The following SALL3 variants were observed in gnomAD, a reference collection of about 807,000 sequenced individuals.
The protein encoded by SALL3 is spalt like transcription factor 3, also known as sal-like protein 3.
In SALL3, 25 loss-of-function variants were observed where a neutral mutation model predicts 66.2. The observed-to-expected ratio is 0.38, with a 90% CI of 0.28 to 0.53. The LOEUF is 0.53. SALL3 is among the 20% of genes least tolerant of loss of function. The probability of loss-of-function intolerance (pLI) is 0.85; values close to 1 mark genes in which losing one functional copy is unlikely to be tolerated. For missense variants in SALL3, 2,194 were observed against 1,916.5 expected (o/e 1.14, Z -2.70); for synonymous variants, 1,152 against 899.1 (o/e 1.28, Z -5.03).
At chr18:78,989,511 G>GA (rs1268935911) in intron 1 of SALL3, among the ~76,000 whole-genome samples, 14 of 152,178 alleles carry the variant, frequency 9.2e-5, no homozygotes, top group Non-Finnish European at 1.6e-4. Flanking sequence ...AAACTCACTT[G>GA]AAATGATCCA....
At position 78,996,780 on chromosome 18, in the gene SALL3, G is replaced by A. The variant is rs746805582; in HGVS notation, c.3472-111G>A. ...AAAGTCCACCTGTGTTTTGTTGTCC[G>A]TAAGTCGCGCTTGGGAGCGGGGTGG... On this transcript the variant is annotated intron_variant, in intron 2 of 2. Coordinates refer to ENST00000537592, the MANE Select transcript of SALL3 (RefSeq NM_171999.4). 1.1e-4 allele frequency: 119 copies of A among 1,086,452 alleles called. 1 individual carries two copies. Among genetic ancestry groups the A allele is most frequent in the South Asian group, 5.8e-4 (35 of 60,132 alleles). The allele number at this position is 1,086,452 out of a possible 1,614,324, so 67.3% of individuals were successfully genotyped here. A position where few individuals can be genotyped will look rare whatever the true frequency, so the allele number is the denominator to read the frequency against.
Position 78,997,565 on chromosome 18 carries a change from AC to A in SALL3, c.*245del. On this transcript the variant is annotated 3_prime_UTR_variant, in exon 3 of 3. Coordinates refer to ENST00000537592, the MANE Select transcript of SALL3 (RefSeq NM_171999.4). ...CTTCAAAAAAAAAAGTGCTTGGAAA[AC>A]CGCCTTAGGAACAGAAAGAGCTCAG... 1 of 520,926 alleles carries A rather than the reference AC, an allele frequency of 1.9e-6. No homozygotes were observed. 32.3% of individuals were successfully genotyped at this position (520,926 alleles called of 1,614,324 possible).
chr18:78,987,301 G>A (rs917274361), intron 1 of SALL3, among the ~76,000 whole-genome samples: 1 of 152,172 alleles, frequency 6.6e-6, no homozygotes, highest in African/African-American at 2.4e-5. Context: ...GACAGTCTGA[G>A]GGGTTCCTTT....
intron 1 of SALL3, among the ~76,000 whole-genome samples, chr18:78,986,388 ACT>A: frequency 1.3e-5 from 2 of 151,588 alleles, no homozygotes; most frequent in Non-Finnish European, 2.9e-5. Context: ...GTGCGTACAC[ACT>A]CTGAGGTCTC....
At position 78,980,024 on chromosome 18, in the gene SALL3, G is replaced by C. The variant is rs1284688639; in HGVS notation, c.-251G>C. ...CCGCGGCCCCCTCCTCGTCGGCGCGGCCGCTAATTGCGAGCGCGGCCTCAT... is the reference window on the plus strand; with the variant it reads ...CCGCGGCCCCCTCCTCGTCGGCGCGCCCGCTAATTGCGAGCGCGGCCTCAT... On this transcript the variant is annotated 5_prime_UTR_variant, in exon 1 of 3. Coordinates refer to ENST00000537592, the MANE Select transcript of SALL3 (RefSeq NM_171999.4). 6.8e-6 allele frequency among the ~76,000 whole-genome samples: 1 copy of C among 145,992 alleles called. No individual in the cohort carries two copies. The highest frequency in any genetic ancestry group is 2.5e-5 in the African/African-American group (1 of 40,732).
At position 78,994,619 on chromosome 18, in the gene SALL3, C is replaced by T; in HGVS notation, c.2628C>T (p.Ser876=). The change falls in exon 2 of 3, where the codon AGC becomes AGT. Residue 876 remains serine (S), a synonymous_variant. Transcript: ENST00000537592. ...GGTCCGGGGAGAGTGACCGCCTGAG[C>T]AACGACTCCTCGTCGGCCGTGGGCG... ...ENGSGESDRL[S]NDSSSAVGDL... The T allele has an allele frequency of 6.2e-7, 1 of 1,608,790 alleles. No individual in the cohort carries two copies. The highest frequency in any genetic ancestry group is 8.5e-7 in the Non-Finnish European group (1 of 1,177,438).
In SALL3 at chr18:78,993,734, C is replaced by T. The variant is rs1285279013; in HGVS notation, c.1743C>T (p.Ala581=). ...NHVESGVSAT[A]ESPQSLLGGP... ...TGGAGTCCGGCGTGTCGGCCACCGC[C>T]GAGTCCCCACAGTCGCTCCTCGGCG... Residue 581 remains alanine, a synonymous_variant, in exon 2 of 3, where the codon GCC becomes GCT. Transcript: ENST00000537592. The T allele has an allele frequency of 4.5e-6, 7 of 1,552,524 alleles. No homozygotes were observed. The highest frequency in any genetic ancestry group is 6.0e-6 in the Non-Finnish European group (7 of 1,157,932).
rs1240723498 is a variant in SALL3, at chr18:78,995,219, G to C, written c.3228G>C (p.Glu1076Asp). 6.2e-7 allele frequency: 1 copy of C among 1,607,298 alleles called. No individual in the cohort carries two copies. Among genetic ancestry groups the C allele is most frequent in the African/African-American group, 1.3e-5 (1 of 74,936 alleles). The stretch of plus-strand genomic sequence containing the variant: ...ACGGCAAGGCCATGGCGCTGGGCGA[G>C]GGTCCCCCGCTGCCCGCGGGCGTCC... ...NGHGKAMALG[E>D]GPPLPAGVQV... The change falls in exon 2 of 3, where the codon GAG becomes GAC. Residue 1076 changes from glutamate (E) to aspartate (D), a missense_variant. Physicochemically the swap from Glu to Asp is conservative, Grantham distance 45 (BLOSUM62 2). Coordinates refer to ENST00000537592, the MANE Select transcript of SALL3 (RefSeq NM_171999.4).
rs956427244 is a variant in SALL3 at position 78,997,468 on chromosome 18, C to T, written c.*146C>T. On this transcript the variant is annotated 3_prime_UTR_variant, in exon 3 of 3. Coordinates refer to ENST00000537592, the MANE Select transcript of SALL3 (RefSeq NM_171999.4). ...GGCTGCCGAGAGGTGGTCTTGTAAG[C>T]GCTGCATGGCGCTCCCTTCAACAGC... 10 of 702,270 alleles carry T rather than the reference C, an allele frequency of 1.4e-5. No homozygotes were observed. Among genetic ancestry groups the T allele is most frequent in the East Asian group, 8.1e-5 (3 of 37,058 alleles). 43.5% of individuals were successfully genotyped at this position (702,270 alleles called of 1,614,324 possible). A position where few individuals can be genotyped will look rare whatever the true frequency, so the allele number is the denominator to read the frequency against.
chr18:78,998,190 A>T lies in SALL3; in HGVS notation c.*868A>T, dbSNP rs1174121131. On this transcript the variant is annotated 3_prime_UTR_variant, in exon 3 of 3. Coordinates refer to ENST00000537592, the MANE Select transcript of SALL3 (RefSeq NM_171999.4). ...TATTTCACATTATCAAAGCTGTACAATAAAAAGGTAATGTTTGTATAATGT... is the reference window on the plus strand; with the variant it reads ...TATTTCACATTATCAAAGCTGTACATTAAAAAGGTAATGTTTGTATAATGT... 6.6e-6 allele frequency: 1 copy of T among 152,586 alleles called. No homozygotes were observed. Among genetic ancestry groups the T allele is most frequent in the Non-Finnish European group, 1.5e-5 (1 of 68,048 alleles). The allele number at this position is 152,586 out of a possible 1,614,324, so 9.5% of individuals were successfully genotyped here. A position where few individuals can be genotyped will look rare whatever the true frequency, so the allele number is the denominator to read the frequency against.
intron 1 of SALL3, among the ~76,000 whole-genome samples, chr18:78,991,330 T>C (rs1437797468): frequency 7.7e-6 from 1 of 129,800 alleles, no homozygotes; most frequent in Non-Finnish European, 1.5e-5. Context: ...CTGTATTGAT[T>C]TGGCAAAGTC....
At chr18:78,989,921 A>AGGGCTGCTGAAGAACATTCC (rs1197888271) in intron 1 of SALL3, among the ~76,000 whole-genome samples, 6 of 152,224 alleles carry the variant, frequency 3.9e-5, no homozygotes, top group Non-Finnish European at 8.8e-5. Context: ...TTAAACATTC[A>AGGGCTGCTGAAGAACATTCC]GGGCTGCTGA....
rs768784264 is a variant in SALL3 at position 78,992,239 on chromosome 18, ACGAGGACGCGCCCGCGCCGCCCCC to A, written c.256_279del (p.Ala86_Asp93del). The A allele has an allele frequency of 2.3e-5, 37 of 1,595,046 alleles. No individual in the cohort carries two copies. The highest frequency in any genetic ancestry group is 1.5e-4 in the African/African-American group (11 of 73,494). ...AAGCTCCCGCCCGTGCTGATCGTGC[ACGAGGACGCGCCCGCGCCGCCCCC>A]CGAGGACTTCCCCGAGCCTTCGCCC... On this transcript the variant is annotated inframe_deletion, in exon 2 of 3. Coordinates refer to ENST00000537592, the MANE Select transcript of SALL3 (RefSeq NM_171999.4).
chr18:78,980,551 G>A (rs1914004482), intron 1 of SALL3, among the ~76,000 whole-genome samples, 195 bp downstream of exon 1: 1 of 141,696 alleles, frequency 7.1e-6, no homozygotes, highest in South Asian at 2.1e-4. Context: ...CGGCCGCCGA[G>A]AGAGTTGTGG....
At chr18:78,980,503 C>A in intron 1 of SALL3, 147 bp downstream of exon 1, 1 of 433,454 alleles carries the variant, frequency 2.3e-6, no homozygotes, top group Non-Finnish European at 3.6e-6. Context: ...CCGCGCCAGG[C>A]CGGCCGCGGG....
At chr18:78,981,098 G>T (rs1914049887) in intron 1 of SALL3, among the ~76,000 whole-genome samples, 1 of 152,240 alleles carries the variant, frequency 6.6e-6, no homozygotes. Flanking sequence ...CGGCTTTGCA[G>T]TCATTTCGCT....
At position 78,987,396 on chromosome 18, in the gene SALL3, A is replaced by AT. The variant is rs890077766; in HGVS notation, c.83-4670dup. 1.8e-4 allele frequency among the ~76,000 whole-genome samples: 27 copies of AT among 151,048 alleles called. 1 individual carries two copies. The East Asian group carries it at 3.1e-3, about 17-fold the overall frequency. On this transcript the variant is annotated intron_variant, in intron 1 of 2. Coordinates refer to ENST00000537592, the MANE Select transcript of SALL3 (RefSeq NM_171999.4). Reference sequence around the variant, plus strand: ...TATTAGTTAGAAGGGGAAAATACATATTTTTTTTAACTATCGTCTTTGAAG... The same window carrying AT: ...TATTAGTTAGAAGGGGAAAATACATATTTTTTTTTAACTATCGTCTTTGAAG...
chr18:78,984,651 T>C (rs1023808898), intron 1 of SALL3, among the ~76,000 whole-genome samples: 1 of 152,152 alleles, frequency 6.6e-6, no homozygotes, highest in Non-Finnish European at 1.5e-5. Context: ...TCTAGGGTTA[T>C]TTCTCATGTA....
chr18:78,985,099 C>T (rs1361648631), intron 1 of SALL3: 1 of 152,286 alleles, frequency 6.6e-6, no homozygotes, highest in Non-Finnish European at 1.5e-5. Context: ...TTTGACAAGC[C>T]TTGCTGATTT....
Sources: allele counts gnomAD v4.1 joint callset (sites outside exome capture counted in the v4.1 genomes callset), GRCh38; gene constraint gnomAD v4.1.1; transcripts MANE v1.5; gene names NCBI Gene and HGNC (gene_info 2026-07-23, HGNC 2026-07-21).